Variants in PTPRT observed in about 807,000 individuals in gnomAD.
The protein encoded by PTPRT is protein tyrosine phosphatase receptor type T, also known as receptor-type tyrosine-protein phosphatase T.
A neutral mutation model predicts 176.8 loss-of-function variants in PTPRT; 56 were observed. That is an observed-to-expected ratio of 0.32 (90% CI 0.26 to 0.40). The LOEUF (loss-of-function observed/expected upper bound fraction) is 0.40. PTPRT is among the 10% of genes least tolerant of loss of function. PTPRT has a pLI of 1.00. For synonymous variants in PTPRT, 783 were observed against 739.0 expected (o/e 1.06, Z -0.96); for missense variants, 1,540 against 1,908.2 (o/e 0.81, Z 3.60).
chr20:42,915,335 T>C (rs1394122565), intron 1 of PTPRT, among the ~76,000 whole-genome samples: 1 of 152,226 alleles, frequency 6.6e-6, no homozygotes. Flanking sequence ...GGCCAGGCTA[T>C]AGGTAAGGCC....
intron 7 of PTPRT, among the ~76,000 whole-genome samples, chr20:42,620,476 G>C (rs903383996): frequency 2.7e-5 from 4 of 148,404 alleles, no homozygotes; most frequent in African/African-American, 1.0e-4. Context: ...CACCCAGTTC[G>C]AGCTTCCTGG....
intron 1 of PTPRT, among the ~76,000 whole-genome samples, chr20:42,913,880 TTCAAAA>T (rs777181170): frequency 5.3e-5 from 8 of 152,242 alleles, no homozygotes; most frequent in Non-Finnish European, 8.8e-5. Context: ...TGTGAGATTT[TTCAAAA>T]GCCTTTTTGA....
chr20:42,123,414 C>T (rs1600552248), intron 19 of PTPRT, among the ~76,000 whole-genome samples: 1 of 152,184 alleles, frequency 6.6e-6, no homozygotes, highest in East Asian at 1.9e-4. Flanking sequence ...GTGGACTTTG[C>T]TTTTGAGCAA....
At chr20:42,780,088 T>G in intron 4 of PTPRT, 130 bp downstream of exon 4, 1 of 815,814 alleles carries the variant, frequency 1.2e-6, no homozygotes, top group Non-Finnish European at 2.1e-6. Context: ...TGTAAGCATT[T>G]CTGAAGGATT....
At chr20:42,622,387 A>G (rs1195177277) in intron 7 of PTPRT, among the ~76,000 whole-genome samples, 1 of 151,940 alleles carries the variant, frequency 6.6e-6, no homozygotes, top group Non-Finnish European at 1.5e-5. Context: ...GACTACAGGC[A>G]CCCGCCAACA....
At chr20:43,094,179 C>T (rs1568781242) in intron 1 of PTPRT, among the ~76,000 whole-genome samples, 1 of 151,146 alleles carries the variant, frequency 6.6e-6, no homozygotes, top group Non-Finnish European at 1.5e-5. Context: ...CGTCCACCTC[C>T]CGGGTTCACG....
intron 1 of PTPRT, among the ~76,000 whole-genome samples, chr20:43,130,551 A>G (rs1357677695): frequency 5.9e-5 from 9 of 152,206 alleles, no homozygotes; most frequent in Non-Finnish European, 1.3e-4. Context: ...GAATAGATTC[A>G]ATCCTGTTCA....
chr20:42,876,495 C>T (rs1042095423), intron 2 of PTPRT, among the ~76,000 whole-genome samples: 2 of 152,084 alleles, frequency 1.3e-5, no homozygotes, highest in South Asian at 2.1e-4. Flanking sequence ...TCTTTATTTG[C>T]CCGAAGGATC....
chr20:42,876,318 C>T (rs929762610), intron 2 of PTPRT, among the ~76,000 whole-genome samples: 1 of 152,148 alleles, frequency 6.6e-6, no homozygotes, highest in African/African-American at 2.4e-5. Context: ...AAGGCCCATA[C>T]TTCCATATGA....
At chr20:42,151,901 G>A (rs1398759148) in intron 17 of PTPRT, among the ~76,000 whole-genome samples, 5 of 152,184 alleles carry the variant, frequency 3.3e-5, no homozygotes, top group African/African-American at 7.2e-5. Context: ...GTCCCTCTAG[G>A]TATAGGTAAA....
chr20:43,103,775 T>TAATAATAATAATAAC (rs1410220641), intron 1 of PTPRT, among the ~76,000 whole-genome samples: 3 of 150,490 alleles, frequency 2.0e-5, no homozygotes, highest in African/African-American at 7.3e-5. Context: ...ATAATAATAA[T>TAATAATAATAATAAC]AACTAAAAAG....
chr20:42,261,682 T>C (rs1296396046), intron 13 of PTPRT, among the ~76,000 whole-genome samples: 1 of 152,026 alleles, frequency 6.6e-6, no homozygotes, highest in South Asian at 2.1e-4. Context: ...AAGGATAATA[T>C]GTCTCAGCTT....
intron 1 of PTPRT, among the ~76,000 whole-genome samples, chr20:42,890,077 A>T (rs2079166906): frequency 6.6e-6 from 1 of 152,166 alleles, no homozygotes. Flanking sequence ...CCATAATGAA[A>T]CAACATCTGC....
chr20:42,782,119 C>A (rs1293906293), intron 3 of PTPRT, among the ~76,000 whole-genome samples: 2 of 152,180 alleles, frequency 1.3e-5, no homozygotes, highest in Non-Finnish European at 2.9e-5. Flanking sequence ...TGTTCATAGA[C>A]TCTCCATTTC....
intron 9 of PTPRT, among the ~76,000 whole-genome samples, chr20:42,374,435 C>A (rs2058626685): frequency 6.6e-6 from 1 of 150,928 alleles, no homozygotes; most frequent in Admixed American, 6.6e-5. Context: ...CCTTAATAAA[C>A]CCAGTGATAG....
intron 27 of PTPRT, among the ~76,000 whole-genome samples, chr20:42,087,227 AATTATT>A (rs879290197): frequency 2.0e-5 from 3 of 150,306 alleles, no homozygotes; most frequent in Non-Finnish European, 4.4e-5. Context: ...AAATCATTAT[AATTATT>A]ATTATTATTA....
At chr20:42,838,424 C>T (rs2078219258) in intron 2 of PTPRT, among the ~76,000 whole-genome samples, 1 of 152,190 alleles carries the variant, frequency 6.6e-6, no homozygotes, top group South Asian at 2.1e-4. Context: ...TAATCAGAGG[C>T]TCCAGACTGA....
intron 2 of PTPRT, among the ~76,000 whole-genome samples, chr20:42,801,004 T>C (rs1164693387): frequency 6.6e-6 from 1 of 152,148 alleles, no homozygotes; most frequent in African/African-American, 2.4e-5. Context: ...GTTTGTGTCT[T>C]TGTGCTCTTT....
At chr20:42,515,806 T>C (rs1309085473) in intron 7 of PTPRT, among the ~76,000 whole-genome samples, 1 of 151,422 alleles carries the variant, frequency 6.6e-6, no homozygotes, top group Non-Finnish European at 1.5e-5. Context: ...CATGCACACG[T>C]ATGTTTATTG....
Sources: allele counts gnomAD v4.1 joint callset (sites outside exome capture counted in the v4.1 genomes callset), GRCh38; gene constraint gnomAD v4.1.1; transcripts MANE v1.5; gene names NCBI Gene and HGNC (gene_info 2026-07-23, HGNC 2026-07-21).